KCNH1: variants seen among roughly 807,000 people sequenced by gnomAD.
KCNH1 encodes the protein potassium voltage-gated channel subfamily H member 1, also known as voltage-gated delayed rectifier potassium channel KCNH1.
Under a neutral mutation model 69.2 loss-of-function variants are expected in KCNH1, and 27 were observed. That is an observed-to-expected ratio of 0.39 (90% CI 0.29 to 0.54). The LOEUF (loss-of-function observed/expected upper bound fraction) is 0.54. Among genes scored for constraint, KCNH1 ranks in the 20% least tolerant of loss-of-function variants. KCNH1 has a pLI of 0.68. For missense variants in KCNH1, 798 were observed against 1,261.6 expected, an observed-to-expected ratio of 0.63 and a Z score of 5.57; for synonymous variants, 456 against 487.7, an observed-to-expected ratio of 0.93 and a Z score of 0.86.
chr1:210,743,685 T>C (rs966945403), intron 10 of KCNH1, among the ~76,000 whole-genome samples: 1 of 152,190 alleles, frequency 6.6e-6, no homozygotes, highest in Non-Finnish European at 1.5e-5. Context: ...TTTAAATATT[T>C]CAACAGCCAC....
At chr1:210,987,344 A>C (rs532325379) in intron 6 of KCNH1, among the ~76,000 whole-genome samples, 1 of 152,168 alleles carries the variant, frequency 6.6e-6, no homozygotes, top group African/African-American at 2.4e-5. Flanking sequence ...GTTTCTTTCG[A>C]GGAGGAGAGG....
chr1:210,738,551 G>A (rs923150291), intron 10 of KCNH1, among the ~76,000 whole-genome samples: 1 of 65,220 alleles, frequency 1.5e-5, no homozygotes, highest in Non-Finnish European at 3.3e-5. Flanking sequence ...TGGCTTTTTT[G>A]CTTTTTTTTT....
At chr1:210,914,722 C>G (rs1170822246) in intron 7 of KCNH1, among the ~76,000 whole-genome samples, 1 of 152,108 alleles carries the variant, frequency 6.6e-6, no homozygotes, top group Non-Finnish European at 1.5e-5. Flanking sequence ...GAGAGGAGAA[C>G]TGGACCAAGG....
chr1:210,854,781 A>T (rs1574297976), intron 7 of KCNH1, among the ~76,000 whole-genome samples: 2 of 152,218 alleles, frequency 1.3e-5, no homozygotes, highest in Non-Finnish European at 2.9e-5. Flanking sequence ...AGAACTAAAA[A>T]TAAAAGAGAG....
At position 210,683,107 on chromosome 1, in the gene KCNH1, C is replaced by T. The variant is rs1681312226; in HGVS notation, c.*174G>A. 1 of 704,038 alleles carries T rather than the reference C, an allele frequency of 1.4e-6. No homozygotes were observed. The highest frequency in any genetic ancestry group is 2.4e-6 in the Non-Finnish European group (1 of 411,986). The allele number at this position is 704,038 out of a possible 1,614,324, so 43.6% of individuals were successfully genotyped here. Reference sequence around the variant, plus strand: ...CCTTGCAGGGTAGGGGCACGCTACCCTTCCCATATCTTTTTCCAGATAGAG... The same window carrying T: ...CCTTGCAGGGTAGGGGCACGCTACCTTTCCCATATCTTTTTCCAGATAGAG... On this transcript the variant is annotated 3_prime_UTR_variant, in exon 11 of 11. Transcript: ENST00000271751. The surrounding 1 kb of genome is among the most constrained non-coding windows in gnomAD (Gnocchi z 5.7).
At chr1:210,915,880 T>G (rs1364959646) in intron 7 of KCNH1, among the ~76,000 whole-genome samples, 1 of 152,128 alleles carries the variant, frequency 6.6e-6, no homozygotes, top group Admixed American at 6.5e-5. Flanking sequence ...TGCAACAGGA[T>G]AGCCAAGAAA....
At chr1:210,725,266 C>T (rs1455989315) in intron 10 of KCNH1, among the ~76,000 whole-genome samples, 2 of 152,134 alleles carry the variant, frequency 1.3e-5, no homozygotes, top group Non-Finnish European at 2.9e-5. Flanking sequence ...TATTTCTGAA[C>T]CCCTAGATGT....
chr1:210,918,384 C>T (rs1309415977), intron 7 of KCNH1, among the ~76,000 whole-genome samples: 1 of 152,222 alleles, frequency 6.6e-6, no homozygotes, highest in East Asian at 1.9e-4. Flanking sequence ...AGAGGACCGT[C>T]TTCTCACATC....
intron 7 of KCNH1, among the ~76,000 whole-genome samples, chr1:210,870,193 C>T (rs552680987): frequency 1.1e-3 from 170 of 152,136 alleles, no homozygotes; most frequent in Non-Finnish European, 1.9e-3. Flanking sequence ...TAGTTGTTTA[C>T]AGTAAGAGAA....
chr1:210,752,613 T>C (rs1683306335), intron 10 of KCNH1, among the ~76,000 whole-genome samples: 1 of 151,932 alleles, frequency 6.6e-6, no homozygotes, highest in Admixed American at 6.6e-5. Flanking sequence ...GGCTTCAAGG[T>C]ACTCAAGGAA....
chr1:211,003,218 C>T (rs1412529268), intron 6 of KCNH1, among the ~76,000 whole-genome samples: 1 of 151,278 alleles, frequency 6.6e-6, no homozygotes, highest in Non-Finnish European at 1.5e-5. Flanking sequence ...ACCCCATGTG[C>T]TCCTCTAAAT....
rs944952948 is a variant in KCNH1, at chr1:210,775,619, C to A, written c.1916-75G>T. 1.7e-5 allele frequency: 19 copies of A among 1,116,866 alleles called. No homozygotes were observed. The African/African-American group carries it at 2.5e-4, about 15-fold the overall frequency. 69.2% of individuals were successfully genotyped at this position (1,116,866 alleles called of 1,614,324 possible). A position where few individuals can be genotyped will look rare whatever the true frequency, so the allele number is the denominator to read the frequency against. Reference sequence around the variant, plus strand: ...CCCATCCAGCTGGCTTCCCTCTATTCCCCAGAATTGCTGTCCTTTCAGCAT... The same window carrying A: ...CCCATCCAGCTGGCTTCCCTCTATTACCCAGAATTGCTGTCCTTTCAGCAT... On this transcript the variant is annotated intron_variant, in intron 9 of 10. Coordinates refer to ENST00000271751, the MANE Select transcript of KCNH1 (RefSeq NM_172362.3).
chr1:211,005,930 G>A (rs7531557), intron 6 of KCNH1, among the ~76,000 whole-genome samples: 11,211 of 152,044 alleles, frequency 0.074, 1,106 homozygotes, highest in African/African-American at 0.23. Flanking sequence ...AAAGGAGACC[G>A]CACAAGCACT....
intron 10 of KCNH1, among the ~76,000 whole-genome samples, chr1:210,726,236 CA>C (rs1394129323): frequency 6.6e-6 from 1 of 152,138 alleles, no homozygotes; most frequent in Non-Finnish European, 1.5e-5. Flanking sequence ...AGCACTTGCC[CA>C]ACTTCTGAAA....
At chr1:210,885,949 T>C (rs1206828452) in intron 7 of KCNH1, among the ~76,000 whole-genome samples, 1 of 152,120 alleles carries the variant, frequency 6.6e-6, no homozygotes, top group African/African-American at 2.4e-5. Context: ...CTGAGGGAAA[T>C]GGTGGCTGTG....
At chr1:210,892,144 A>G (rs1043866264) in intron 7 of KCNH1, among the ~76,000 whole-genome samples, 1 of 151,918 alleles carries the variant, frequency 6.6e-6, no homozygotes, top group African/African-American at 2.4e-5. Context: ...TCAAACCACA[A>G]TGGCACGTGT....
intron 5 of KCNH1, among the ~76,000 whole-genome samples, chr1:211,023,115 A>AAAATAAATAAAT (rs562804540): frequency 6.1e-5 from 6 of 98,572 alleles, no homozygotes; most frequent in African/African-American, 1.6e-4. Context: ...TGTCTCAGAA[A>AAAATAAATAAAT]AAATAAATAA....
intron 7 of KCNH1, among the ~76,000 whole-genome samples, chr1:210,813,994 C>T (rs1361991268): frequency 1.3e-5 from 2 of 152,148 alleles, no homozygotes; most frequent in Non-Finnish European, 2.9e-5. Context: ...TGTGAGGCCT[C>T]CCCAGCCACA....
rs536447596 is a variant in KCNH1, at chr1:211,046,602, G to A, written c.559-27346C>T. On this transcript the variant is annotated intron_variant, in intron 5 of 10. Coordinates refer to ENST00000271751, the MANE Select transcript of KCNH1 (RefSeq NM_172362.3). ...AGGCTTAGAAAAGTAACTTGTCCAA[G>A]GCCACAAAGGTTTTAAGGGTGCAGC... 2.6e-5 allele frequency among the ~76,000 whole-genome samples: 4 copies of A among 152,202 alleles called. No individual in the cohort carries two copies. In the East Asian group the frequency reaches 7.7e-4, roughly 29 times the overall value.
Sources: gnomAD v4.1 joint callset for allele counts (sites outside exome capture counted in the v4.1 genomes callset) on GRCh38, gnomAD v4.1.1 for gene constraint, Gnocchi (gnomAD v3.1) non-coding constraint, MANE v1.5 for transcripts, NCBI Gene and HGNC (gene_info 2026-07-23, HGNC 2026-07-21) for gene names.